Variants in DNMT3A observed in about 807,000 individuals in gnomAD.
DNMT3A encodes the protein DNA (cytosine-5)-methyltransferase 3A.
A neutral mutation model predicts 117.6 loss-of-function variants in DNMT3A; 267 were observed. The observed-to-expected ratio is 2.27, with a 90% CI of 2.05 to 2.51. The LOEUF (loss-of-function observed/expected upper bound fraction) is 2.51. Ranked by LOEUF, DNMT3A falls within the 30% of genes most tolerant of loss-of-function variation. The pLI is 0.00. For synonymous variants in DNMT3A, 432 were observed against 474.8 expected, an observed-to-expected ratio of 0.91 and a Z score of 1.17; for missense variants, 1,029 against 1,260.2, an observed-to-expected ratio of 0.82 and a Z score of 2.78.
intron 1 of DNMT3A, among the ~76,000 whole-genome samples, chr2:25,328,250 G>A (rs781432508): frequency 1.3e-5 from 2 of 152,178 alleles, no homozygotes; most frequent in Non-Finnish European, 2.9e-5. Context: ...TTGCACACGT[G>A]GTAAAATATA....
chr2:25,256,803 T>C (rs2149336475), intron 6 of DNMT3A, among the ~76,000 whole-genome samples: 1 of 152,340 alleles, frequency 6.6e-6, no homozygotes, highest in Non-Finnish European at 1.5e-5. Flanking sequence ...CTTTGCCTTG[T>C]GCGAAGGTGA....
In DNMT3A at chr2:25,304,654, A is replaced by G. The variant is rs2033690007; in HGVS notation, c.73-4411T>C. On this transcript the variant is annotated intron_variant, in intron 2 of 22. Transcript: ENST00000321117. The surrounding 1 kb of genome is among the most constrained non-coding windows in gnomAD (Gnocchi z 4.3). ...GCCACGGGGGTTCCCGGGGGCCAGG[A>G]GGATCCAGCCAAGCTCCTCAGCTCA... 6.6e-6 allele frequency among the ~76,000 whole-genome samples: 1 copy of G among 152,226 alleles called. No individual in the cohort carries two copies.
rs1037756683 is a variant in DNMT3A at position 25,229,420 on chromosome 2, C to G, written c.*4859G>C. The G allele has an allele frequency of 3.3e-5, 5 of 152,320 alleles. No homozygotes were observed. Among genetic ancestry groups the G allele is most frequent in the African/African-American group, 1.2e-4 (5 of 41,460 alleles). The allele number at this position is 152,320 out of a possible 1,614,324, so 9.4% of individuals were successfully genotyped here. A position where few individuals can be genotyped will look rare whatever the true frequency, so the allele number is the denominator to read the frequency against. On this transcript the variant is annotated 3_prime_UTR_variant, in exon 23 of 23. Coordinates refer to ENST00000321117, the MANE Select transcript of DNMT3A (RefSeq NM_022552.5). ...GGAGCGGGGAGGTTTCAGCTGCTCC[C>G]TGGCAAACAGGCAGGACTCCCAGAG...
intron 6 of DNMT3A, among the ~76,000 whole-genome samples, chr2:25,253,890 G>A (rs971743388): frequency 3.3e-5 from 5 of 152,114 alleles, no homozygotes; most frequent in Non-Finnish European, 7.3e-5. Context: ...TGACTAACAT[G>A]GTGAAACCTT....
chr2:25,288,325 T>G (rs1421757695), intron 3 of DNMT3A, among the ~76,000 whole-genome samples: 1 of 151,800 alleles, frequency 6.6e-6, no homozygotes, highest in Non-Finnish European at 1.5e-5. Context: ...TCCCAGCTGC[T>G]GGGGAGGCAG....
At chr2:25,331,937 C>T (rs2035029658) in intron 1 of DNMT3A, among the ~76,000 whole-genome samples, 1 of 152,038 alleles carries the variant, frequency 6.6e-6, no homozygotes, top group Non-Finnish European at 1.5e-5. Flanking sequence ...GGCATCCCCA[C>T]CCACACAGTT....
Position 25,306,586 on chromosome 2 carries a change from C to A in DNMT3A, c.73-6343G>T, listed in dbSNP as rs2033794404. Among the ~76,000 whole-genome samples, 1 of 152,162 alleles carries A rather than the reference C, an allele frequency of 6.6e-6. No individual in the cohort carries two copies. The highest frequency in any genetic ancestry group is 2.1e-4 in the South Asian group (1 of 4,826). ...CGGTGGTGCCCATCTGGTTCCCAGGCCCTCGTGCCAGGGCTGCAGCCCCTT... is the reference window on the plus strand; with the variant it reads ...CGGTGGTGCCCATCTGGTTCCCAGGACCTCGTGCCAGGGCTGCAGCCCCTT... On this transcript the variant is annotated intron_variant, in intron 2 of 22. Transcript: ENST00000321117. The surrounding 1 kb of genome is among the most constrained non-coding windows in gnomAD (Gnocchi z 4.1).
Position 25,230,807 on chromosome 2 carries a change from GC to G in DNMT3A, c.*3471del, listed in dbSNP as rs1672840274. On this transcript the variant is annotated 3_prime_UTR_variant, in exon 23 of 23. Transcript: ENST00000321117. ...TCCCTGCAAGGGGGGGGGGGGGGGG[GC>G]CATGACCCCTGGGGCATCTGGTCCA... 1 of 78,482 alleles carries G rather than the reference GC, an allele frequency of 1.3e-5. No homozygotes were observed. Among genetic ancestry groups the G allele is most frequent in the Non-Finnish European group, 2.7e-5 (1 of 36,474 alleles). The allele number at this position is 78,482 out of a possible 1,614,324, so 4.9% of individuals were successfully genotyped here.
intron 6 of DNMT3A, among the ~76,000 whole-genome samples, chr2:25,251,156 G>GGC (rs1558678577): frequency 2.3e-5 from 2 of 85,144 alleles, no homozygotes; most frequent in Non-Finnish European, 6.9e-5. Context: ...GAAGAAGCGG[G>GGC]GGGGGGGGTG....
rs147944041 is a variant in DNMT3A at position 25,313,388 on chromosome 2, C to T, written c.72+525G>A. Among the ~76,000 whole-genome samples, 55 of 152,262 alleles carry T rather than the reference C, an allele frequency of 3.6e-4. No homozygotes were observed. The East Asian group carries it at 7.0e-3, about 19-fold the overall frequency. On this transcript the variant is annotated intron_variant, in intron 2 of 22. Coordinates refer to ENST00000321117, the MANE Select transcript of DNMT3A (RefSeq NM_022552.5). ...GGGCGGGGACAGGAAATCACCATCT[C>T]CAAAGTGTGCTGGCGCCACACTGAG...
Position 25,246,781 on chromosome 2 carries a change from A to T in DNMT3A, c.1123-5T>A. The T allele has an allele frequency of 1.9e-6, 3 of 1,612,700 alleles. No homozygotes were observed. The highest frequency in any genetic ancestry group is 2.5e-6 in the Non-Finnish European group (3 of 1,179,824). On this transcript the variant is annotated splice_region_variant and splice_polypyrimidine_tract_variant and intron_variant, in intron 9 of 22. Coordinates refer to ENST00000321117, the MANE Select transcript of DNMT3A (RefSeq NM_022552.5). ...CCCCGCGCGGCTGCTGGCCACCTGG[A>T]GGGTGACACGCCAGGGTTGGGGTTG...
chr2:25,239,335 A>G, intron 19 of DNMT3A, 120 bp from the exon 20 acceptor site: 2 of 837,516 alleles, frequency 2.4e-6, no homozygotes, highest in Non-Finnish European at 4.0e-6. Flanking sequence ...GGAGCCACAC[A>G]CTGGGCTAGC....
At position 25,243,928 on chromosome 2, in the gene DNMT3A, C is replaced by A. The variant is rs376550450; in HGVS notation, c.1906G>T (p.Val636Leu). Residue 636 changes from valine to leucine, a missense_variant, in exon 16 of 23, where the codon GTG (valine) becomes TTG (leucine). Physicochemically the swap from Val to Leu is conservative, Grantham distance 32 (BLOSUM62 1). Transcript: ENST00000321117. ...VPAEKRKPIRVLSLFDGIATG... is the reference protein window; with the variant it reads ...VPAEKRKPIRLLSLFDGIATG... The stretch of plus-strand genomic sequence containing the variant: ...GCGATTCCATCAAAGAGAGACAGCA[C>A]CCGGATGGGCTTCCTCTTCTCAGCT... 11 of 1,552,084 alleles carry A rather than the reference C, an allele frequency of 7.1e-6. No individual in the cohort carries two copies. Among genetic ancestry groups the A allele is most frequent in the African/African-American group, 2.7e-5 (2 of 73,098 alleles).
rs1673913117 is a variant in DNMT3A at position 25,240,687 on chromosome 2, G to A, written c.2126C>T (p.Pro709Leu). 6.2e-7 allele frequency: 1 copy of A among 1,614,216 alleles called. No individual in the cohort carries two copies. ...GPFDLVIGGS[P>L]CNDLSIVNPA... ...GTTGACGATGGAGAGGTCATTGCAGGGACTGCCCCCAATCACCAGATCGAA... is the reference window on the plus strand; with the variant it reads ...GTTGACGATGGAGAGGTCATTGCAGAGACTGCCCCCAATCACCAGATCGAA... Residue 709 changes from proline (P) to leucine (L), a missense_variant, in exon 18 of 23, where the codon CCC becomes CTC. Pro to Leu is a moderately conservative substitution (Grantham distance 98, BLOSUM62 -3). Transcript: ENST00000321117.
In DNMT3A at chr2:25,282,547, G is replaced by A. The variant is rs891998434; in HGVS notation, c.342C>T (p.Ala114=). ...GSPAGGQKGG[A]PAEGEGAAET... ...CAGCTGCACCCTCTCCCTCTGCTGG[G>A]GCCCCGCCCTTCTGCCCCCCAGCAG... Residue 114 remains alanine, a synonymous_variant, in exon 4 of 23, where the codon GCC becomes GCT. Transcript: ENST00000321117. This position sits in a 1 kb window ranked among gnomAD's most constrained non-coding sequence, Gnocchi z 5.2. 6.2e-7 allele frequency: 1 copy of A among 1,613,276 alleles called. No homozygotes were observed. Among genetic ancestry groups the A allele is most frequent in the African/African-American group, 1.3e-5 (1 of 74,920 alleles).
intron 1 of DNMT3A, among the ~76,000 whole-genome samples, chr2:25,325,814 T>A (rs539485230): frequency 2.0e-5 from 3 of 152,222 alleles, no homozygotes; most frequent in African/African-American, 7.2e-5. Flanking sequence ...CAGCGAATTC[T>A]CTCAGGCACC....
intron 6 of DNMT3A, among the ~76,000 whole-genome samples, chr2:25,256,055 C>G (rs1402366038): frequency 6.6e-6 from 1 of 152,130 alleles, no homozygotes; most frequent in Admixed American, 6.5e-5. Flanking sequence ...ATCAGAGAAG[C>G]CATGGTCCCT....
At chr2:25,258,555 A>T (rs1676354013) in intron 6 of DNMT3A, among the ~76,000 whole-genome samples, 1 of 152,142 alleles carries the variant, frequency 6.6e-6, no homozygotes, top group Admixed American at 6.5e-5. Flanking sequence ...GGCCTCTGTT[A>T]CTCACAGCCT....
At position 25,252,166 on chromosome 2, in the gene DNMT3A, C is replaced by T. The variant is rs1194733078; in HGVS notation, c.640-3914G>A. On this transcript the variant is annotated intron_variant, in intron 6 of 22. Coordinates refer to ENST00000321117, the MANE Select transcript of DNMT3A (RefSeq NM_022552.5). The surrounding 1 kb of genome is among the most constrained non-coding windows in gnomAD (Gnocchi z 5.5). ...GCCCTGCCGCCTCCCCGCCCCCGGT[C>T]TCCCCGGGGCTCCGTCCAGGAACCT... 1 of 1,557,940 alleles carries T rather than the reference C, an allele frequency of 6.4e-7. No homozygotes were observed. Among genetic ancestry groups the T allele is most frequent in the Non-Finnish European group, 8.7e-7 (1 of 1,152,754 alleles).
Sources: gnomAD v4.1 joint callset for allele counts (sites outside exome capture counted in the v4.1 genomes callset) on GRCh38, gnomAD v4.1.1 for gene constraint, Gnocchi (gnomAD v3.1) non-coding constraint, MANE v1.5 for transcripts, NCBI Gene and HGNC (gene_info 2026-07-23, HGNC 2026-07-21) for gene names.